The following ADAMTS20 variants were observed in gnomAD, a reference collection of about 807,000 sequenced individuals.
ADAMTS20 encodes A disintegrin and metalloproteinase with thrombospondin motifs 20.
ADAMTS20 carries 225 observed loss-of-function variants against 260.1 expected under a neutral mutation model. The observed-to-expected ratio is 0.87, with a 90% CI of 0.78 to 0.97. The LOEUF (loss-of-function observed/expected upper bound fraction) is 0.97, where lower values mean the gene tolerates loss of function less well. ADAMTS20 is among the 50% of genes least tolerant of loss of function. The probability of loss-of-function intolerance (pLI) is 0.00; values close to 1 mark genes in which losing one functional copy is unlikely to be tolerated. For synonymous variants in ADAMTS20, 802 were observed against 769.5 expected, an observed-to-expected ratio of 1.04 and a Z score of -0.70; for missense variants, 2,400 against 2,337.7, an observed-to-expected ratio of 1.03 and a Z score of -0.55.
At chr12:43,488,084 T>C (rs1942549813) in intron 7 of ADAMTS20, among the ~76,000 whole-genome samples, 1 of 152,152 alleles carries the variant, frequency 6.6e-6, no homozygotes, top group African/African-American at 2.4e-5. Flanking sequence ...AAGAGTTTTT[T>C]TGTTTTTGTG....
intron 3 of ADAMTS20, among the ~76,000 whole-genome samples, chr12:43,509,170 T>C (rs1220443007): frequency 6.6e-6 from 1 of 152,160 alleles, no homozygotes; most frequent in African/African-American, 2.4e-5. Context: ...TTGGCATTTG[T>C]TGATTCCATG....
chr12:43,462,919 A>C lies in ADAMTS20; in HGVS notation c.1590T>G (p.Asp530Glu). Residue 530 changes from aspartate to glutamate, a missense_variant, in exon 11 of 39, where the codon GAT becomes GAG. Transcript: ENST00000389420. ...CCATTCCAGGACCGCAGTCTGTTCC[A>C]TCTGCTGGTGGCACGTGTTGAGTGA... The part of the protein sequence containing the change: ...GCFTQHVPPA[D>E]GTDCGPGMHC... The C allele has an allele frequency of 6.2e-7, 1 of 1,608,036 alleles. No homozygotes were observed. The highest frequency in any genetic ancestry group is 8.5e-7 in the Non-Finnish European group (1 of 1,176,908).
intron 3 of ADAMTS20, among the ~76,000 whole-genome samples, chr12:43,506,566 G>A (rs1250953737): frequency 2.0e-5 from 3 of 151,062 alleles, no homozygotes; most frequent in Non-Finnish European, 2.9e-5. Flanking sequence ...TGCAACCTCC[G>A]CTTCTCGGCT....
At position 43,430,203 on chromosome 12, in the gene ADAMTS20, A is replaced by C. The variant is rs1222510113; in HGVS notation, c.3381+149T>G. On this transcript the variant is annotated intron_variant, in intron 23 of 38. Coordinates refer to ENST00000389420, the MANE Select transcript of ADAMTS20 (RefSeq NM_025003.5). ...AAGCTGGCAAAACCAAGAACAACAA[A>C]TTCTATTTTTTTGCCTCTCTCTCAC... The C allele has an allele frequency of 6.3e-6, 6 of 956,698 alleles. No homozygotes were observed. The African/African-American group carries it at 6.7e-5, about 11-fold the overall frequency. The allele number at this position is 956,698 out of a possible 1,614,324, so 59.3% of individuals were successfully genotyped here. A position where few individuals can be genotyped will look rare whatever the true frequency, so the allele number is the denominator to read the frequency against.
At chr12:43,500,573 TTCTA>T (rs1469377935) in intron 4 of ADAMTS20, among the ~76,000 whole-genome samples, 3 of 152,198 alleles carry the variant, frequency 2.0e-5, no homozygotes, top group African/African-American at 7.2e-5. Context: ...TAGGATAAAT[TTCTA>T]TCTATACTTC....
intron 18 of ADAMTS20, 131 bp downstream of exon 18, chr12:43,439,491 A>AC: frequency 9.3e-7 from 1 of 1,073,600 alleles, no homozygotes; most frequent in Non-Finnish European, 1.3e-6. Flanking sequence ...AAGATTGAAA[A>AC]CTTTTGTATG....
At chr12:43,502,497 CT>C (rs1942783640) in intron 3 of ADAMTS20, 92 bp from the exon 4 acceptor site, 1 of 1,132,982 alleles carries the variant, frequency 8.8e-7, no homozygotes, top group Admixed American at 2.5e-5. Flanking sequence ...ATATTTAATA[CT>C]TACATATCTG....
chr12:43,379,123 T>A (rs1206719735), intron 31 of ADAMTS20, among the ~76,000 whole-genome samples: 1 of 152,164 alleles, frequency 6.6e-6, no homozygotes, highest in African/African-American at 2.4e-5. Flanking sequence ...CAGAGAATTG[T>A]CATTATTTGA....
At chr12:43,470,284 T>A (rs2137390782) in intron 7 of ADAMTS20, among the ~76,000 whole-genome samples, 2 of 152,340 alleles carry the variant, frequency 1.3e-5, no homozygotes, top group South Asian at 4.1e-4. Flanking sequence ...ATTCCAATAT[T>A]TTCATTTTTA....
chr12:43,396,719 C>A (rs1440543564), intron 29 of ADAMTS20, among the ~76,000 whole-genome samples: 3 of 152,114 alleles, frequency 2.0e-5, no homozygotes, highest in South Asian at 2.1e-4. Flanking sequence ...GTTCCTTTAG[C>A]AGATTTTATA....
In ADAMTS20 at chr12:43,502,420, A is replaced by C; in HGVS notation, c.614-15T>G. On this transcript the variant is annotated splice_polypyrimidine_tract_variant and intron_variant, in intron 3 of 38. Transcript: ENST00000389420. ...TATTTGACTTTCTAGGGAGAAAAAA[A>C]GAATATAATGCAGAGCCATTAAATT... The C allele has an allele frequency of 6.3e-7, 1 of 1,576,216 alleles. No individual in the cohort carries two copies. Among genetic ancestry groups the C allele is most frequent in the South Asian group, 1.2e-5 (1 of 83,148 alleles).
At chr12:43,448,495 ATGGAT>A (rs760160602) in intron 14 of ADAMTS20, among the ~76,000 whole-genome samples, 89 of 152,326 alleles carry the variant, frequency 5.8e-4, no homozygotes, top group Non-Finnish European at 1.0e-3. Context: ...TCAACTCATG[ATGGAT>A]TAAAGACTTC....
chr12:43,448,763 A>G (rs539646275), intron 14 of ADAMTS20, among the ~76,000 whole-genome samples: 19 of 152,188 alleles, frequency 1.2e-4, no homozygotes, highest in Non-Finnish European at 2.2e-4. Context: ...ATTATCCAGC[A>G]TCTATAAGGA....
intron 3 of ADAMTS20, among the ~76,000 whole-genome samples, chr12:43,508,938 T>C (rs191600235): frequency 5.3e-5 from 8 of 152,192 alleles, no homozygotes; most frequent in Non-Finnish European, 1.2e-4. Context: ...AGTGTGTGTT[T>C]TTCCCCTCCC....
At chr12:43,536,952 T>C (rs757315089) in intron 2 of ADAMTS20, among the ~76,000 whole-genome samples, 1 of 152,240 alleles carries the variant, frequency 6.6e-6, no homozygotes, top group Non-Finnish European at 1.5e-5. Context: ...AACATAGTTT[T>C]AGTGAATGAG....
At chr12:43,470,304 A>T (rs1357078639) in intron 7 of ADAMTS20, among the ~76,000 whole-genome samples, 1 of 152,236 alleles carries the variant, frequency 6.6e-6, no homozygotes, top group South Asian at 2.1e-4. Context: ...AGCACTATGC[A>T]GATATTTGGA....
At chr12:43,546,806 G>A (rs1014628172) in intron 2 of ADAMTS20, among the ~76,000 whole-genome samples, 4 of 152,004 alleles carry the variant, frequency 2.6e-5, no homozygotes, top group African/African-American at 9.7e-5. Context: ...ATAGATCTTG[G>A]AAATGTATAA....
At chr12:43,545,084 T>C (rs1943425358) in intron 2 of ADAMTS20, among the ~76,000 whole-genome samples, 1 of 152,178 alleles carries the variant, frequency 6.6e-6, no homozygotes, top group African/African-American at 2.4e-5. Context: ...AGCACTGATC[T>C]GCAGTAGCAT....
chr12:43,426,301 A>G (rs1425799636), intron 27 of ADAMTS20, among the ~76,000 whole-genome samples: 3 of 152,214 alleles, frequency 2.0e-5, no homozygotes, highest in East Asian at 3.8e-4. Flanking sequence ...TTTTCAAAAT[A>G]AGTGCATGTA....
Sources: allele counts gnomAD v4.1 joint callset (sites outside exome capture counted in the v4.1 genomes callset), GRCh38; gene constraint gnomAD v4.1.1; transcripts MANE v1.5; gene names NCBI Gene and HGNC (gene_info 2026-07-23, HGNC 2026-07-21).